Variants in ITGBL1 observed in about 807,000 individuals in gnomAD.
ITGBL1 encodes the protein integrin subunit beta like 1, also known as integrin beta-like protein 1.
In ITGBL1, 51 loss-of-function variants were observed where a neutral mutation model predicts 68.5. That is an observed-to-expected ratio of 0.74 (90% CI 0.59 to 0.94). ITGBL1 has a LOEUF of 0.94. Among genes scored for constraint, ITGBL1 ranks in the 40% least tolerant of loss-of-function variants. The pLI, the probability that ITGBL1 is intolerant of heterozygous loss-of-function variation, is 0.00. For missense variants in ITGBL1, 649 were observed against 647.4 expected (o/e 1.00, Z -0.03); for synonymous variants, 209 against 227.3 (o/e 0.92, Z 0.72).
chr13:101,662,127 G>A (rs2033104428), intron 7 of ITGBL1, among the ~76,000 whole-genome samples: 1 of 152,102 alleles, frequency 6.6e-6, no homozygotes, highest in African/African-American at 2.4e-5. Flanking sequence ...TTTGTAGTAT[G>A]ATGTTAACTA....
At chr13:101,674,203 C>G (rs2033445315) in intron 7 of ITGBL1, among the ~76,000 whole-genome samples, 1 of 152,258 alleles carries the variant, frequency 6.6e-6, no homozygotes, top group African/African-American at 2.4e-5. Flanking sequence ...CGCGTGCATG[C>G]ACACGCTTCT....
intron 2 of ITGBL1, among the ~76,000 whole-genome samples, chr13:101,467,902 A>G (rs1213707135): frequency 2.6e-5 from 4 of 152,256 alleles, no homozygotes; most frequent in East Asian, 1.9e-4. Context: ...AAAGAGGTCA[A>G]TGAGTTTGGG....
At chr13:101,562,474 T>A (rs1443905807) in intron 2 of ITGBL1, among the ~76,000 whole-genome samples, 1 of 151,916 alleles carries the variant, frequency 6.6e-6, no homozygotes, top group Non-Finnish European at 1.5e-5. Context: ...TAAATATAAA[T>A]GAATGGGAAA....
chr13:101,667,956 A>G (rs573768475), intron 7 of ITGBL1, among the ~76,000 whole-genome samples: 10 of 151,418 alleles, frequency 6.6e-5, no homozygotes, highest in Non-Finnish European at 1.3e-4. Flanking sequence ...TGAATCTTTG[A>G]TAAATAAATT....
chr13:101,558,536 T>G (rs184168162), intron 2 of ITGBL1, among the ~76,000 whole-genome samples: 4 of 152,312 alleles, frequency 2.6e-5, no homozygotes, highest in Admixed American at 2.0e-4. Context: ...GAACGGAGAA[T>G]GTCTGTCATC....
intron 2 of ITGBL1, among the ~76,000 whole-genome samples, chr13:101,455,133 G>C (rs1034900851): frequency 2.0e-5 from 3 of 152,168 alleles, no homozygotes; most frequent in Non-Finnish European, 4.4e-5. Context: ...GGAAAAACCA[G>C]CCACTTATTT....
intron 7 of ITGBL1, among the ~76,000 whole-genome samples, chr13:101,656,073 C>T (rs773101794): frequency 1.3e-5 from 2 of 152,026 alleles, no homozygotes; most frequent in Admixed American, 6.6e-5. Context: ...GGGGCTTCCT[C>T]GCTAAAGGTA....
At chr13:101,488,950 T>A (rs1270812950) in intron 2 of ITGBL1, among the ~76,000 whole-genome samples, 2 of 152,190 alleles carry the variant, frequency 1.3e-5, no homozygotes, top group Admixed American at 6.5e-5. Flanking sequence ...CAGCTGCAGA[T>A]GTTAATGGCT....
chr13:101,524,148 T>A (rs2049332550), intron 2 of ITGBL1, among the ~76,000 whole-genome samples: 1 of 149,812 alleles, frequency 6.7e-6, no homozygotes, highest in African/African-American at 2.5e-5. Context: ...TTTTTTTAAC[T>A]AGCTCTCCTC....
intron 2 of ITGBL1, among the ~76,000 whole-genome samples, chr13:101,512,377 T>G (rs1054418917): frequency 8.5e-5 from 13 of 152,164 alleles, no homozygotes; most frequent in African/African-American, 3.1e-4. Context: ...TTACCTGTAC[T>G]TAAGAATTTC....
At chr13:101,562,743 C>T (rs1470345219) in intron 2 of ITGBL1, among the ~76,000 whole-genome samples, 2 of 151,766 alleles carry the variant, frequency 1.3e-5, no homozygotes, top group South Asian at 2.1e-4. Context: ...TTCTCATAGT[C>T]GACAGAACAA....
At chr13:101,516,245 A>ATT (rs1167839805) in intron 2 of ITGBL1, among the ~76,000 whole-genome samples, 3 of 152,122 alleles carry the variant, frequency 2.0e-5, no homozygotes, top group African/African-American at 7.2e-5. Context: ...TTCTTTGTTT[A>ATT]AATCCTCCTC....
chr13:101,453,464 T>C (rs998257627), intron 1 of ITGBL1, among the ~76,000 whole-genome samples: 2 of 152,228 alleles, frequency 1.3e-5, no homozygotes, highest in Non-Finnish European at 2.9e-5. Context: ...TAAGTGCCCA[T>C]TGGCCATCAG....
chr13:101,579,247 T>A, intron 4 of ITGBL1, 40 bp from the exon 5 acceptor site: 1 of 1,598,210 alleles, frequency 6.3e-7, no homozygotes, highest in Non-Finnish European at 8.6e-7. Context: ...TTATGAAAGT[T>A]GCTTTTTTCC....
intron 2 of ITGBL1, among the ~76,000 whole-genome samples, chr13:101,518,166 C>T (rs973893070): frequency 3.3e-5 from 5 of 152,242 alleles, no homozygotes; most frequent in South Asian, 2.1e-4. Flanking sequence ...TCAGTACAAC[C>T]GATGTTTCCT....
chr13:101,624,087 T>C (rs1027372403), intron 7 of ITGBL1, among the ~76,000 whole-genome samples: 2 of 152,188 alleles, frequency 1.3e-5, no homozygotes, highest in South Asian at 4.1e-4. Flanking sequence ...TATGCTTAGA[T>C]GTTTACTAGG....
chr13:101,686,595 C>T (rs1241732386), intron 7 of ITGBL1, among the ~76,000 whole-genome samples: 2 of 151,708 alleles, frequency 1.3e-5, no homozygotes, highest in African/African-American at 2.4e-5. Flanking sequence ...TTTAAGCTTC[C>T]GTTTTAATGA....
intron 2 of ITGBL1, among the ~76,000 whole-genome samples, chr13:101,499,155 T>C (rs183342350): frequency 8.7e-4 from 132 of 152,334 alleles, no homozygotes; most frequent in Admixed American, 1.4e-3. Context: ...CCTTGTGTTA[T>C]CTGTGCTCTA....
chr13:101,493,100 A>G (rs2048804910), intron 2 of ITGBL1, among the ~76,000 whole-genome samples: 2 of 152,192 alleles, frequency 1.3e-5, no homozygotes, highest in Admixed American at 6.5e-5. Context: ...ACTTTGTGGA[A>G]TGAGTAGATT....
Sources: allele counts gnomAD v4.1 joint callset (sites outside exome capture counted in the v4.1 genomes callset), GRCh38; gene constraint gnomAD v4.1.1; transcripts MANE v1.5; gene names NCBI Gene and HGNC (gene_info 2026-07-23, HGNC 2026-07-21).